Variants in RIN2 observed in about 807,000 individuals in gnomAD.
The protein encoded by RIN2 is RAB5 interacting protein 2.
Under a neutral mutation model 78.0 loss-of-function variants are expected in RIN2, and 36 were observed. The observed-to-expected ratio is 0.46, with a 90% CI of 0.35 to 0.61. The LOEUF (loss-of-function observed/expected upper bound fraction) is 0.61. Ranked by LOEUF, RIN2 falls within the 20% of genes least tolerant of loss-of-function variation. The probability of loss-of-function intolerance (pLI) is 0.00; values close to 1 mark genes in which losing one functional copy is unlikely to be tolerated. For missense variants in RIN2, 1,087 were observed against 1,159.7 expected (o/e 0.94, Z 0.91); for synonymous variants, 466 against 466.8 (o/e 1.00, Z 0.02).
At chr20:19,835,733 G>A (rs763785646) in intron 2 of RIN2, among the ~76,000 whole-genome samples, 1 of 152,082 alleles carries the variant, frequency 6.6e-6, no homozygotes, top group African/African-American at 2.4e-5. Flanking sequence ...AAGTTGAGTG[G>A]ATGCTCAGAA....
intron 2 of RIN2, among the ~76,000 whole-genome samples, chr20:19,853,601 T>A (rs1414605546): frequency 3.9e-5 from 6 of 152,228 alleles, no homozygotes; most frequent in Non-Finnish European, 7.3e-5. Flanking sequence ...GGTATCTCAT[T>A]GTGGTTTTGA....
chr20:19,947,956 A>AG (rs1436800594), intron 4 of RIN2, among the ~76,000 whole-genome samples: 4 of 152,234 alleles, frequency 2.6e-5, no homozygotes, highest in African/African-American at 9.6e-5. Context: ...AGTCCTGTCT[A>AG]GGGCCAGGGT....
rs114683970 is a variant in RIN2, at chr20:19,974,203, C to T, written c.629-451C>T. Among the ~76,000 whole-genome samples the T allele has an allele frequency of 5.7e-3, 873 of 152,304 alleles. 5 individuals carry two copies. Among genetic ancestry groups the T allele is most frequent in the African/African-American group, 0.019 (772 of 41,564 alleles). ...CCCATTAAAGGGGAACTTCAAGGCC[C>T]GATTCCTTGGCTGGCAGCTGCACTG... On this transcript the variant is annotated intron_variant, in intron 8 of 12. Coordinates refer to ENST00000255006, the MANE Select transcript of RIN2 (RefSeq NM_018993.4).
Position 19,996,798 on chromosome 20 carries a change from C to A in RIN2, c.2320C>A (p.Arg774=). 1 of 1,609,082 alleles carries A rather than the reference C, an allele frequency of 6.2e-7. No homozygotes were observed. The highest frequency in any genetic ancestry group is 8.5e-7 in the Non-Finnish European group (1 of 1,177,534). ...TRDTLRQWHK[R]RTTNRTIPSV... is the part of the protein sequence containing the mutation. ...AGACACCCTGAGGCAGTGGCACAAA[C>A]GGAGAACCACCAACCGGACCATCCC... is the stretch of plus-strand genomic sequence containing the variant. The change falls in exon 12 of 13, where the codon CGG becomes AGG. Residue 774 remains arginine (R), a synonymous_variant. Coordinates refer to ENST00000255006, the MANE Select transcript of RIN2 (RefSeq NM_018993.4).
intron 2 of RIN2, among the ~76,000 whole-genome samples, chr20:19,882,358 T>C (rs1435189403): frequency 6.6e-6 from 1 of 152,210 alleles, no homozygotes; most frequent in Non-Finnish European, 1.5e-5. Context: ...ACAAGGAAAG[T>C]ATTCATCCCT....
chr20:19,914,017 C>A (rs998164969), intron 3 of RIN2, among the ~76,000 whole-genome samples: 1 of 152,128 alleles, frequency 6.6e-6, no homozygotes, highest in African/African-American at 2.4e-5. Context: ...TGATGGGGTG[C>A]GTGTGAAGTT....
rs532230873 is a variant in RIN2, at chr20:19,857,240, G to T, written c.-36-32326G>T. ...ATGGAATCAAAATGTATACACCTTTGTGACTGGCCTCTTTTGCTCAACATA... is the reference window on the plus strand; with the variant it reads ...ATGGAATCAAAATGTATACACCTTTTTGACTGGCCTCTTTTGCTCAACATA... On this transcript the variant is annotated intron_variant, in intron 2 of 12. Coordinates refer to ENST00000255006, the MANE Select transcript of RIN2 (RefSeq NM_018993.4). Among the ~76,000 whole-genome samples, 4 of 152,216 alleles carry T rather than the reference G, an allele frequency of 2.6e-5. No individual in the cohort carries two copies. In the South Asian group the frequency reaches 8.3e-4, roughly 32 times the overall value.
At chr20:19,948,559 T>A (rs1291155255) in intron 4 of RIN2, among the ~76,000 whole-genome samples, 2 of 152,090 alleles carry the variant, frequency 1.3e-5, no homozygotes, top group African/African-American at 4.8e-5. Context: ...CACACCCAGT[T>A]AATTTTTGTA....
In RIN2 at chr20:19,919,391, T is replaced by C. The variant is rs76319644; in HGVS notation, c.58-15708T>C. ...GACATAAGTCAGCACATTTCAGTTA[T>C]AAGATTTTCAAAATGTTATCCCTGA... On this transcript the variant is annotated intron_variant, in intron 3 of 12. Transcript: ENST00000255006. Among the ~76,000 whole-genome samples the C allele has an allele frequency of 4.7e-3, 723 of 152,346 alleles. 4 individuals are homozygous for C. Among genetic ancestry groups the C allele is most frequent in the Non-Finnish European group, 7.6e-3 (519 of 68,034 alleles).
chr20:19,786,884 T>TC (rs2122577732), intron 1 of RIN2, among the ~76,000 whole-genome samples: 1 of 152,328 alleles, frequency 6.6e-6, no homozygotes, highest in South Asian at 2.1e-4. Flanking sequence ...TGAGTTATTT[T>TC]CCAGTGATTT....
At chr20:19,857,726 C>T (rs978618459) in intron 2 of RIN2, among the ~76,000 whole-genome samples, 4 of 152,064 alleles carry the variant, frequency 2.6e-5, no homozygotes, top group Non-Finnish European at 5.9e-5. Flanking sequence ...TGGTACACAC[C>T]TGGAATCCCA....
intron 4 of RIN2, among the ~76,000 whole-genome samples, chr20:19,954,827 T>A (rs1229431521): frequency 3.3e-5 from 5 of 152,122 alleles, no homozygotes; most frequent in African/African-American, 1.2e-4. Flanking sequence ...TCAAGGCTGT[T>A]ATCACTCAGG....
chr20:19,881,487 C>T (rs2038025484), intron 2 of RIN2, among the ~76,000 whole-genome samples: 1 of 152,140 alleles, frequency 6.6e-6, no homozygotes, highest in Non-Finnish European at 1.5e-5. Context: ...ATCCTAGAGG[C>T]TAATTTATTA....
intron 10 of RIN2, among the ~76,000 whole-genome samples, chr20:19,991,069 C>T (rs1424144072): frequency 1.3e-5 from 2 of 152,060 alleles, no homozygotes; most frequent in African/African-American, 2.4e-5. Flanking sequence ...ATTCTGAAGA[C>T]GATTACGAAC....
At chr20:19,939,166 C>T (rs1252783620) in intron 4 of RIN2, among the ~76,000 whole-genome samples, 2 of 152,224 alleles carry the variant, frequency 1.3e-5, no homozygotes, top group Non-Finnish European at 2.9e-5. Context: ...CGTGCCTCAG[C>T]CTCCCAACAT....
At chr20:19,911,930 C>T (rs2039488252) in intron 3 of RIN2, among the ~76,000 whole-genome samples, 1 of 151,914 alleles carries the variant, frequency 6.6e-6, no homozygotes, top group Non-Finnish European at 1.5e-5. Context: ...TACAGATGTG[C>T]AGCCAGCCAT....
At chr20:19,942,462 T>G (rs1298191568) in intron 4 of RIN2, among the ~76,000 whole-genome samples, 1 of 152,246 alleles carries the variant, frequency 6.6e-6, no homozygotes, top group African/African-American at 2.4e-5. Context: ...TAAGATTTCT[T>G]TTTTTGATAG....
intron 2 of RIN2, among the ~76,000 whole-genome samples, chr20:19,866,719 G>C (rs2037519840): frequency 1.3e-5 from 2 of 152,160 alleles, no homozygotes; most frequent in African/African-American, 2.4e-5. Flanking sequence ...CCACCTCCCA[G>C]GTTCAAATGA....
At chr20:19,915,360 C>T (rs2039642403) in intron 3 of RIN2, among the ~76,000 whole-genome samples, 1 of 152,192 alleles carries the variant, frequency 6.6e-6, no homozygotes, top group South Asian at 2.1e-4. Flanking sequence ...CCCTCCTTGG[C>T]TGAGGGCTGC....
Sources: gnomAD v4.1 joint callset for allele counts (sites outside exome capture counted in the v4.1 genomes callset) on GRCh38, gnomAD v4.1.1 for gene constraint, MANE v1.5 for transcripts, NCBI Gene and HGNC (gene_info 2026-07-23, HGNC 2026-07-21) for gene names.